Variants in SYT16 observed in about 807,000 individuals in gnomAD.
SYT16 encodes synaptotagmin-16.
SYT16 carries 42 observed loss-of-function variants against 61.4 expected under a neutral mutation model. The ratio of observed to expected loss-of-function variants is 0.68; its 90% confidence interval spans 0.53 to 0.89. SYT16 has a LOEUF of 0.89. Among genes scored for constraint, SYT16 ranks in the 40% least tolerant of loss-of-function variants. The pLI is 0.00. For missense variants in SYT16, 804 were observed against 807.3 expected (o/e 1.00, Z 0.05); for synonymous variants, 314 against 302.3 (o/e 1.04, Z -0.40).
chr14:61,968,254 C>G (rs546002023), intron 1 of SYT16, among the ~76,000 whole-genome samples: 3 of 151,716 alleles, frequency 2.0e-5, no homozygotes, highest in African/African-American at 4.8e-5. Flanking sequence ...GAGTAAGACT[C>G]TGTCTCAGAA....
At chr14:62,069,881 A>T in intron 4 of SYT16, 66 bp downstream of exon 4, 1 of 1,518,710 alleles carries the variant, frequency 6.6e-7, no homozygotes, top group Non-Finnish European at 9.1e-7. Context: ...CATCCGAATT[A>T]TTCACCCTCT....
At chr14:62,009,138 G>C (rs1449397094) in intron 3 of SYT16, among the ~76,000 whole-genome samples, 1 of 152,122 alleles carries the variant, frequency 6.6e-6, no homozygotes, top group East Asian at 1.9e-4. Flanking sequence ...GTGAACTTAA[G>C]GCATTAAAAG....
chr14:61,965,031 A>C (rs1489569798), intron 1 of SYT16, among the ~76,000 whole-genome samples: 1 of 152,156 alleles, frequency 6.6e-6, no homozygotes, highest in Admixed American at 6.6e-5. Context: ...GGAAATAAAA[A>C]AATTGTGTGA....
intron 1 of SYT16, among the ~76,000 whole-genome samples, chr14:61,915,306 T>C (rs1016370334): frequency 6.6e-6 from 1 of 152,084 alleles, no homozygotes; most frequent in African/African-American, 2.4e-5. Flanking sequence ...TTGAAGAAGA[T>C]TGAATTTTTT....
At chr14:61,862,685 T>C (rs911104232) in intron 1 of SYT16, among the ~76,000 whole-genome samples, 2 of 152,230 alleles carry the variant, frequency 1.3e-5, no homozygotes, top group African/African-American at 4.8e-5. Context: ...TTCTCTGAGT[T>C]TGGACAAATG....
intron 2 of SYT16, among the ~76,000 whole-genome samples, chr14:61,974,240 G>T (rs1031116647): frequency 2.0e-5 from 3 of 152,134 alleles, no homozygotes; most frequent in Non-Finnish European, 2.9e-5. Flanking sequence ...GCCTGCTGGG[G>T]AGTTATTGCA....
intron 1 of SYT16, among the ~76,000 whole-genome samples, chr14:61,937,389 A>G (rs896148403): frequency 2.6e-5 from 4 of 152,222 alleles, no homozygotes; most frequent in Admixed American, 2.0e-4. Flanking sequence ...TACTTTGCCA[A>G]TTATGAGGGG....
intron 3 of SYT16, among the ~76,000 whole-genome samples, chr14:62,034,095 A>G (rs1201494968): frequency 6.6e-6 from 1 of 152,214 alleles, no homozygotes; most frequent in Non-Finnish European, 1.5e-5. Context: ...TAAGTATATG[A>G]AAAAATACTC....
chr14:61,859,548 T>G (rs1038706407), intron 1 of SYT16, among the ~76,000 whole-genome samples: 1 of 151,974 alleles, frequency 6.6e-6, no homozygotes, highest in African/African-American at 2.4e-5. Context: ...CAGAGAGAGC[T>G]GTTTCTCTTC....
chr14:62,086,738 T>C (rs763868572), intron 7 of SYT16, among the ~76,000 whole-genome samples: 5 of 152,232 alleles, frequency 3.3e-5, no homozygotes, highest in African/African-American at 7.2e-5. Context: ...CAAGTCCTAA[T>C]TTAGAAATGG....
At chr14:62,080,080 T>A (rs560029954) in intron 5 of SYT16, among the ~76,000 whole-genome samples, 109 of 152,256 alleles carry the variant, frequency 7.2e-4, no homozygotes, top group African/African-American at 2.5e-3. Context: ...AAAAAGCTAG[T>A]CAGTGGTAGA....
intron 2 of SYT16, among the ~76,000 whole-genome samples, chr14:61,990,556 TG>T (rs2052504742): frequency 1.3e-5 from 2 of 152,224 alleles, no homozygotes; most frequent in Admixed American, 1.3e-4. Context: ...AACATGTTCT[TG>T]TCTTTCAGAA....
At chr14:61,889,559 C>T (rs2140334045) in intron 1 of SYT16, among the ~76,000 whole-genome samples, 2 of 151,962 alleles carry the variant, frequency 1.3e-5, no homozygotes, top group Admixed American at 1.3e-4. Context: ...TTAAAAAGAT[C>T]CTGGTACTTC....
intron 2 of SYT16, among the ~76,000 whole-genome samples, chr14:61,982,011 CAGA>C (rs1660155794): frequency 1.3e-5 from 2 of 152,128 alleles, no homozygotes; most frequent in Admixed American, 1.3e-4. Context: ...TCAAAAGCTG[CAGA>C]AGATTTCCTT....
intron 1 of SYT16, among the ~76,000 whole-genome samples, chr14:61,845,229 A>G (rs2046410749): frequency 1.3e-5 from 2 of 151,702 alleles, no homozygotes; most frequent in South Asian, 4.2e-4. Context: ...TTGTATTTTT[A>G]GTAGAGACGG....
At position 61,997,686 on chromosome 14, in the gene SYT16, T is replaced by C. The variant is rs114987918; in HGVS notation, c.523+1144T>C. On this transcript the variant is annotated intron_variant, in intron 3 of 7. Coordinates refer to ENST00000683842, the MANE Select transcript of SYT16 (RefSeq NM_001367656.1). ...TAATTGCAATTTTGAGTCTTTTAAA[T>C]TGGCTATAGAAATATTCTAGAAATA... Among the ~76,000 whole-genome samples, 716 of 152,208 alleles carry C rather than the reference T, an allele frequency of 4.7e-3. 3 individuals carry two copies. Among genetic ancestry groups the C allele is most frequent in the African/African-American group, 0.016 (678 of 41,574 alleles).
At chr14:62,040,750 A>C (rs2054695937) in intron 3 of SYT16, among the ~76,000 whole-genome samples, 1 of 152,120 alleles carries the variant, frequency 6.6e-6, no homozygotes, top group African/African-American at 2.4e-5. Context: ...TTTTTAGAGC[A>C]ATTTTAGCTT....
chr14:62,065,606 T>C (rs1410754643), intron 3 of SYT16, among the ~76,000 whole-genome samples: 1 of 152,228 alleles, frequency 6.6e-6, no homozygotes, highest in Non-Finnish European at 1.5e-5. Context: ...AATGGATGAC[T>C]TATGACTACT....
chr14:62,038,359 A>G (rs1026359778), intron 3 of SYT16, among the ~76,000 whole-genome samples: 4 of 151,024 alleles, frequency 2.6e-5, no homozygotes, highest in African/African-American at 9.7e-5. Flanking sequence ...AAAATCCATC[A>G]GGGGTGCCTG....
Sources: gnomAD v4.1 joint callset for allele counts (sites outside exome capture counted in the v4.1 genomes callset) on GRCh38, gnomAD v4.1.1 for gene constraint, MANE v1.5 for transcripts, NCBI Gene and HGNC (gene_info 2026-07-23, HGNC 2026-07-21) for gene names.